ERMP1: variants seen among roughly 807,000 people sequenced by gnomAD.
The protein encoded by ERMP1 is Felix-ina.
A neutral mutation model predicts 92.0 loss-of-function variants in ERMP1; 86 were observed. The observed-to-expected ratio is 0.93, with a 90% CI of 0.79 to 1.12. ERMP1 has a LOEUF of 1.12. ERMP1 is among the 50% of genes most tolerant of loss of function. ERMP1 has a pLI of 0.00. For missense variants in ERMP1, 1,342 were observed against 1,116.3 expected, an observed-to-expected ratio of 1.20 and a Z score of -2.88; for synonymous variants, 530 against 412.8, an observed-to-expected ratio of 1.28 and a Z score of -3.44.
intron 6 of ERMP1, 104 bp downstream of exon 6, chr9:5,812,021 A>T: frequency 2.8e-6 from 2 of 708,618 alleles, no homozygotes; most frequent in Non-Finnish European, 4.8e-6. Flanking sequence ...TTCACATTGC[A>T]TACTGCCTCT....
intron 6 of ERMP1, among the ~76,000 whole-genome samples, chr9:5,845,455 T>C (rs886312081): frequency 1.3e-5 from 2 of 152,134 alleles, no homozygotes; most frequent in Non-Finnish European, 2.9e-5. Context: ...GGGAGGAGGA[T>C]GAAGAGAGAG....
At chr9:5,844,054 G>C (rs1830203901) in intron 6 of ERMP1, among the ~76,000 whole-genome samples, 1 of 152,090 alleles carries the variant, frequency 6.6e-6, no homozygotes, top group South Asian at 2.1e-4. Flanking sequence ...TCCGGGAGAA[G>C]AATCTCAGTC....
chr9:5,801,081 C>T, intron 11 of ERMP1, 95 bp downstream of exon 11: 1 of 1,332,414 alleles, frequency 7.5e-7, no homozygotes, highest in East Asian at 2.4e-5. Flanking sequence ...AGGTCAACAG[C>T]AGAAAAGTCA....
intron 6 of ERMP1, among the ~76,000 whole-genome samples, chr9:5,838,894 G>A (rs1393965739): frequency 6.6e-6 from 1 of 152,204 alleles, no homozygotes; most frequent in Admixed American, 6.5e-5. Context: ...AATAACAGTG[G>A]TTATCTCTGG....
chr9:5,787,592 T>G lies in ERMP1; in HGVS notation c.2388A>C (p.Gly796=). ...GAACATAGAAGGACATATGGCTTGG[T>G]CCTGTAAGGTAAAAGGAAGAAAGAA... is the stretch of plus-strand genomic sequence containing the variant. ...DSIKLTFEAT[G]PSHMSFYVRA... is the part of the protein sequence containing the mutation. The change falls in exon 14 of 15, where the codon GGA becomes GGC. Residue 796 remains glycine (G), a splice_region_variant and synonymous_variant. Coordinates refer to ENST00000339450, the MANE Select transcript of ERMP1 (RefSeq NM_024896.3). The G allele has an allele frequency of 6.2e-7, 1 of 1,604,944 alleles. No homozygotes were observed. The highest frequency in any genetic ancestry group is 8.5e-7 in the Non-Finnish European group (1 of 1,177,476).
chr9:5,791,137 T>C, intron 13 of ERMP1: 1 of 445,016 alleles, frequency 2.2e-6, no homozygotes, highest in South Asian at 1.6e-5. Flanking sequence ...ACTTCCTATA[T>C]TAGCATTCTC....
intron 4 of ERMP1, among the ~76,000 whole-genome samples, chr9:5,823,207 C>A (rs1829606026): frequency 6.6e-6 from 1 of 152,070 alleles, no homozygotes; most frequent in Admixed American, 6.6e-5. Flanking sequence ...ACCACTTGAA[C>A]CCAGGAGGTC....
rs372321900 is a variant in ERMP1, at chr9:5,810,056, G to T, written c.1503C>A (p.Ala501=). ...SVCLYGTATV[A]KIILIHTLAK... ...CAAGAGTATGTATAAGTATTATTTT[G>T]GCTACAGTTGCAGTTCCATACAGAC... Residue 501 remains alanine, a synonymous_variant, in exon 8 of 15, where the codon GCC becomes GCA. Coordinates refer to ENST00000339450, the MANE Select transcript of ERMP1 (RefSeq NM_024896.3). 5.0e-5 allele frequency: 80 copies of T among 1,613,190 alleles called. No individual in the cohort carries two copies. The highest frequency in any genetic ancestry group is 6.6e-5 in the Non-Finnish European group (78 of 1,179,394).
intron 5 of ERMP1, among the ~76,000 whole-genome samples, chr9:5,866,012 G>C (rs1348081144): frequency 1.3e-5 from 2 of 152,044 alleles, no homozygotes; most frequent in Non-Finnish European, 2.9e-5. Context: ...GTTTTTGGCA[G>C]TAAGTGTGTT....
chr9:5,799,831 T>C (rs1828601171), intron 11 of ERMP1, among the ~76,000 whole-genome samples: 1 of 152,224 alleles, frequency 6.6e-6, no homozygotes, highest in Non-Finnish European at 1.5e-5. Context: ...TCCTAAGTAT[T>C]ACTGACATAA....
At position 5,830,757 on chromosome 9, in the gene ERMP1, A is replaced by C. The variant is rs961810084; in HGVS notation, c.610T>G (p.Cys204Gly). 1 of 1,613,270 alleles carries C rather than the reference A, an allele frequency of 6.2e-7. No individual in the cohort carries two copies. Among genetic ancestry groups the C allele is most frequent in the Non-Finnish European group, 8.5e-7 (1 of 1,179,558 alleles). Reference protein sequence around the residue: ...DGAQHAVLANCHFDSVANSPG... With the variant: ...DGAQHAVLANGHFDSVANSPG... Reference sequence around the variant, plus strand: ...GAGTTTGCTACTGAGTCAAAATGACAATTAGCCAAGACAGCATGCTGGGCT... The same window carrying C: ...GAGTTTGCTACTGAGTCAAAATGACCATTAGCCAAGACAGCATGCTGGGCT... The change falls in exon 2 of 15, where the codon TGT becomes GGT. Residue 204 changes from cysteine (C) to glycine (G), a missense_variant. By Grantham distance (159) the Cys-to-Gly change is radical (BLOSUM62 -3). Coordinates refer to ENST00000339450, the MANE Select transcript of ERMP1 (RefSeq NM_024896.3).
At chr9:5,795,845 A>T (rs1184187378) in intron 13 of ERMP1, among the ~76,000 whole-genome samples, 1 of 152,122 alleles carries the variant, frequency 6.6e-6, no homozygotes, top group Non-Finnish European at 1.5e-5. Context: ...AAACAAAAAC[A>T]AAAACAAATC....
At chr9:5,797,744 GA>G in intron 13 of ERMP1, 72 bp downstream of exon 13, 1 of 912,012 alleles carries the variant, frequency 1.1e-6, no homozygotes, top group South Asian at 1.5e-5. Context: ...ATATCTGAGG[GA>G]AAAACATACA....
At chr9:5,798,074 C>A (rs997824004) in intron 12 of ERMP1, 142 bp from the exon 13 acceptor site, 6 of 651,760 alleles carry the variant, frequency 9.2e-6, no homozygotes, top group Admixed American at 6.1e-5. Context: ...CCAACTCCAA[C>A]AAATTTAGGT....
At chr9:5,836,199 A>G (rs919617146), upstream of ERMP1, among the ~76,000 whole-genome samples, 1 of 152,232 alleles carries the variant, frequency 6.6e-6, no homozygotes, top group Non-Finnish European at 1.5e-5. Context: ...GTCAGGATTC[A>G]GGTGAACTGC....
intron 1 of ERMP1, among the ~76,000 whole-genome samples, chr9:5,832,210 A>T (rs575748883): frequency 4.6e-5 from 7 of 152,298 alleles, no homozygotes; most frequent in Admixed American, 3.9e-4. Context: ...TTCCAGAAAG[A>T]GTTTCTATAG....
At chr9:5,790,674 G>A (rs533372395) in intron 13 of ERMP1, among the ~76,000 whole-genome samples, 15 of 152,180 alleles carry the variant, frequency 9.9e-5, no homozygotes, top group African/African-American at 3.6e-4. Context: ...AATATAAAAG[G>A]GGCACTTTTT....
chr9:5,788,289 A>C (rs955996685), intron 13 of ERMP1, among the ~76,000 whole-genome samples: 1 of 152,184 alleles, frequency 6.6e-6, no homozygotes, highest in Non-Finnish European at 1.5e-5. Flanking sequence ...AATGCAGACC[A>C]AGTCAGTCCA....
At chr9:5,826,933 G>A (rs1394780807) in intron 2 of ERMP1, among the ~76,000 whole-genome samples, 1 of 152,160 alleles carries the variant, frequency 6.6e-6, no homozygotes, top group East Asian at 1.9e-4. Context: ...CTACAGAAGA[G>A]TCAAATATCT....
Sources: gnomAD v4.1 joint callset for allele counts (sites outside exome capture counted in the v4.1 genomes callset) on GRCh38, gnomAD v4.1.1 for gene constraint, MANE v1.5 for transcripts, NCBI Gene and HGNC (gene_info 2026-07-23, HGNC 2026-07-21) for gene names.